ADAMTS8: variants seen among roughly 807,000 people sequenced by gnomAD.
ADAMTS8 encodes the protein A disintegrin and metalloproteinase with thrombospondin motifs 8.
In ADAMTS8, 50 loss-of-function variants were observed where a neutral mutation model predicts 64.4. The observed-to-expected ratio is 0.78, with a 90% CI of 0.62 to 0.98. The LOEUF (loss-of-function observed/expected upper bound fraction) is 0.98. Ranked by LOEUF, ADAMTS8 falls within the 50% of genes least tolerant of loss-of-function variation. ADAMTS8 has a pLI of 0.00. For missense variants in ADAMTS8, 1,192 were observed against 1,208.2 expected (o/e 0.99, Z 0.20); for synonymous variants, 556 against 533.6 (o/e 1.04, Z -0.58).
At chr11:130,415,719 C>T (rs1422561986) in intron 4 of ADAMTS8, among the ~76,000 whole-genome samples, 2 of 151,012 alleles carry the variant, frequency 1.3e-5, no homozygotes, top group East Asian at 2.0e-4. Context: ...AGTGATCCTC[C>T]TGCCTCAGCC....
Position 130,405,292 on chromosome 11 carries a change from C to G in ADAMTS8, c.*266G>C. 7.9e-7 allele frequency: 1 copy of G among 1,260,280 alleles called. No individual in the cohort carries two copies. The highest frequency in any genetic ancestry group is 1.0e-6 in the Non-Finnish European group (1 of 1,004,412). 78.1% of individuals were successfully genotyped at this position (1,260,280 alleles called of 1,614,324 possible). On this transcript the variant is annotated 3_prime_UTR_variant, in exon 9 of 9. Coordinates refer to ENST00000257359, the MANE Select transcript of ADAMTS8 (RefSeq NM_007037.6). ...TGTCCTGTCTGAGTCAATAAGTGCACTTTTACCTTTTAACCTATGCCCTCT... is the reference window on the plus strand; with the variant it reads ...TGTCCTGTCTGAGTCAATAAGTGCAGTTTTACCTTTTAACCTATGCCCTCT...
intron 5 of ADAMTS8, chr11:130,412,036 C>G (rs146208466): frequency 7.4e-4 from 129 of 175,100 alleles, no homozygotes; most frequent in African/African-American, 3.0e-3. Flanking sequence ...GGGTAGAGGC[C>G]AGTGATGCTG....
chr11:130,427,429 T>C, intron 1 of ADAMTS8, 138 bp downstream of exon 1: 1 of 1,060,096 alleles, frequency 9.4e-7, no homozygotes, highest in East Asian at 2.7e-5. Context: ...GGGGTAAGGC[T>C]GGAGAAGATG....
Position 130,405,452 on chromosome 11 carries a change from T to C in ADAMTS8, c.*106A>G. ...GGCAATGGGAGGCCTGGGTGGGCCG[T>C]GCTGCCTTGATATGGCCAAGGGACC... On this transcript the variant is annotated 3_prime_UTR_variant, in exon 9 of 9. Transcript: ENST00000257359. The C allele has an allele frequency of 3.3e-6, 5 of 1,499,602 alleles. No individual in the cohort carries two copies. Among genetic ancestry groups the C allele is most frequent in the Non-Finnish European group, 4.4e-6 (5 of 1,132,206 alleles). 92.9% of individuals were successfully genotyped at this position (1,499,602 alleles called of 1,614,324 possible). A position where few individuals can be genotyped will look rare whatever the true frequency, so the allele number is the denominator to read the frequency against.
At chr11:130,415,429 GA>G (rs1862008668) in intron 4 of ADAMTS8, among the ~76,000 whole-genome samples, 1 of 151,816 alleles carries the variant, frequency 6.6e-6, no homozygotes, top group African/African-American at 2.4e-5. Context: ...TCAGCCTCCT[GA>G]GTAGCTAGGA....
intron 1 of ADAMTS8, 141 bp from the exon 2 acceptor site, chr11:130,419,433 C>T (rs1862072015): frequency 5.2e-6 from 6 of 1,161,162 alleles, no homozygotes; most frequent in Non-Finnish European, 7.2e-6. Context: ...CCCGAGGTCT[C>T]CGTGTTACTC....
chr11:130,414,019 C>A (rs747075659), intron 5 of ADAMTS8, among the ~76,000 whole-genome samples: 1 of 150,886 alleles, frequency 6.6e-6, no homozygotes, highest in South Asian at 2.1e-4. Context: ...ATAGCCTTCA[C>A]GGGCTCCTCA....
At chr11:130,412,439 C>T (rs1355877307) in intron 5 of ADAMTS8, among the ~76,000 whole-genome samples, 1 of 152,088 alleles carries the variant, frequency 6.6e-6, no homozygotes, top group African/African-American at 2.4e-5. Context: ...GTCTTGAACT[C>T]CTGACCTCAA....
chr11:130,427,711 T>A lies in ADAMTS8; in HGVS notation c.576A>T (p.Glu192Asp), dbSNP rs1269770978. 1 of 1,595,556 alleles carries A rather than the reference T, an allele frequency of 6.3e-7. No individual in the cohort carries two copies. Among genetic ancestry groups the A allele is most frequent in the South Asian group, 1.1e-5 (1 of 87,968 alleles). ...HQEDSEEESQEEEAEGASEPP... is the reference protein window; with the variant it reads ...HQEDSEEESQDEEAEGASEPP... ...GCTCGCTAGCGCCTTCTGCCTCCTC[T>A]TCTTGGCTCTCCTCCTCGCTGTCCT... is the stretch of plus-strand genomic sequence containing the variant. The change falls in exon 1 of 9, where the codon GAA becomes GAT. Residue 192 changes from glutamate to aspartate, a missense_variant. Glu to Asp is a conservative substitution (Grantham distance 45). Coordinates refer to ENST00000257359, the MANE Select transcript of ADAMTS8 (RefSeq NM_007037.6).
chr11:130,418,007 CAAA>C (rs5795694), intron 2 of ADAMTS8, among the ~76,000 whole-genome samples: 42 of 93,928 alleles, frequency 4.5e-4, no homozygotes, highest in Admixed American at 1.2e-3. Context: ...CTACAAAAAG[CAAA>C]AAAAAAAAAA....
Position 130,427,999 on chromosome 11 carries a change from C to A in ADAMTS8, c.288G>T (p.Gly96=), listed in dbSNP as rs899434307. The A allele has an allele frequency of 3.9e-6, 6 of 1,526,390 alleles. No homozygotes were observed. Among genetic ancestry groups the A allele is most frequent in the Non-Finnish European group, 1.7e-6 (2 of 1,143,278 alleles). 94.6% of individuals were successfully genotyped at this position (1,526,390 alleles called of 1,614,324 possible). ...TGCCGGAGAAGAAGCAGCCGCGCAG[C>A]CCCCGCTCGCCCCCGGTCGCCCGGC... The part of the protein sequence containing the change: ...GSGRATGGER[G]LRGCFFSGTV... The change falls in exon 1 of 9, where the codon GGG becomes GGT. Residue 96 remains glycine, a synonymous_variant. Transcript: ENST00000257359.
chr11:130,425,758 G>T (rs1010893562), intron 1 of ADAMTS8, among the ~76,000 whole-genome samples: 6 of 151,928 alleles, frequency 3.9e-5, no homozygotes, highest in African/African-American at 1.5e-4. Context: ...CCACCACCAC[G>T]CCTGGCTATT....
At chr11:130,427,472 T>C (rs1862183030) in intron 1 of ADAMTS8, 95 bp downstream of exon 1, 5 of 1,054,656 alleles carry the variant, frequency 4.7e-6, no homozygotes, top group Non-Finnish European at 6.3e-6. Context: ...TTTTTTTTTT[T>C]TTCTCAGAGG....
chr11:130,425,748 C>A (rs906668266), intron 1 of ADAMTS8, among the ~76,000 whole-genome samples: 13 of 152,028 alleles, frequency 8.6e-5, no homozygotes, highest in Non-Finnish European at 1.6e-4. Context: ...CTACAGGCGC[C>A]CACCACCACG....
At chr11:130,413,553 G>A (rs192681936) in intron 5 of ADAMTS8, among the ~76,000 whole-genome samples, 94 of 152,338 alleles carry the variant, frequency 6.2e-4, no homozygotes, top group Middle Eastern at 6.8e-3. Flanking sequence ...CACAGTAAGA[G>A]AAATGCGATC....
chr11:130,414,185 A>G (rs2134679766), intron 5 of ADAMTS8, among the ~76,000 whole-genome samples: 1 of 145,284 alleles, frequency 6.9e-6, no homozygotes, highest in Middle Eastern at 3.6e-3. Context: ...GTGCAGTGGC[A>G]TGATCATGGT....
rs568221010 is a variant in ADAMTS8, at chr11:130,411,051, G to T, written c.1750+366C>A. On this transcript the variant is annotated intron_variant, in intron 6 of 8. Coordinates refer to ENST00000257359, the MANE Select transcript of ADAMTS8 (RefSeq NM_007037.6). This position sits in a 1 kb window ranked among gnomAD's most constrained non-coding sequence, Gnocchi z 4.2. ...GGTTCCTATGCCTCCAGGAGGATTA[G>T]TTTCCTAGACACCAGCCCCTCTGCA... Among the ~76,000 whole-genome samples the T allele has an allele frequency of 3.0e-4, 46 of 152,284 alleles. No individual in the cohort carries two copies. Among genetic ancestry groups the T allele is most frequent in the African/African-American group, 1.1e-3 (45 of 41,552 alleles).
chr11:130,414,133 T>C (rs1861988608), intron 5 of ADAMTS8, among the ~76,000 whole-genome samples: 1 of 150,982 alleles, frequency 6.6e-6, no homozygotes, highest in South Asian at 2.1e-4. Flanking sequence ...TTTTTTTTTT[T>C]TTTTTTTGGA....
rs565552058 is a variant in ADAMTS8, at chr11:130,424,898, G to C, written c.720+2669C>G. On this transcript the variant is annotated intron_variant, in intron 1 of 8. Transcript: ENST00000257359. ...CAGGTGGGATGGGACATGAGACCCA[G>C]GGTGGAGGTGGCGGGGCTAGTCTCC... Among the ~76,000 whole-genome samples the C allele has an allele frequency of 6.4e-4, 97 of 152,262 alleles. No homozygotes were observed. The South Asian group carries it at 0.019, about 30-fold the overall frequency.
Sources: gnomAD v4.1 joint callset for allele counts (sites outside exome capture counted in the v4.1 genomes callset) on GRCh38, gnomAD v4.1.1 for gene constraint, Gnocchi (gnomAD v3.1) non-coding constraint, MANE v1.5 for transcripts, NCBI Gene and HGNC (gene_info 2026-07-23, HGNC 2026-07-21) for gene names.